The following AP5Z1 variants were observed in gnomAD, a reference collection of about 807,000 sequenced individuals.
AP5Z1 encodes AP-5 complex subunit zeta-1.
Under a neutral mutation model 83.0 loss-of-function variants are expected in AP5Z1, and 106 were observed. That is an observed-to-expected ratio of 1.28 (90% CI 1.09 to 1.50). AP5Z1 has a LOEUF of 1.50. Ranked by LOEUF, AP5Z1 falls within the 40% of genes most tolerant of loss-of-function variation. The pLI, the probability that AP5Z1 is intolerant of heterozygous loss-of-function variation, is 0.00. For missense variants in AP5Z1, 1,565 were observed against 1,094.2 expected (o/e 1.43, Z -6.07); for synonymous variants, 751 against 514.1 (o/e 1.46, Z -6.23).
At chr7:4,776,591 C>G (rs996212037) in intron 1 of AP5Z1, among the ~76,000 whole-genome samples, 1 of 149,822 alleles carries the variant, frequency 6.7e-6, no homozygotes, top group South Asian at 2.1e-4. Flanking sequence ...AAAAATTAGC[C>G]GGGCGTGGTG....
chr7:4,788,343 C>T (rs1192694489), intron 12 of AP5Z1, 49 bp downstream of exon 12: 2 of 1,518,020 alleles, frequency 1.3e-6, no homozygotes, highest in Admixed American at 4.3e-5. Context: ...GAGAGCCCGG[C>T]CACAGCCACT....
At chr7:4,776,477 G>C (rs1050029052) in intron 1 of AP5Z1, among the ~76,000 whole-genome samples, 5 of 151,718 alleles carry the variant, frequency 3.3e-5, no homozygotes, top group African/African-American at 1.2e-4. Flanking sequence ...ACCACTTTGG[G>C]AGGCCAAGGC....
rs1781813305 is a variant in AP5Z1 at position 4,792,443 on chromosome 7, G to A, written c.*1058G>A. On this transcript the variant is annotated 3_prime_UTR_variant, in exon 17 of 17. Transcript: ENST00000649063. ...ACCACAGGCTGAAGGCGACTGCAGG[G>A]TCCTGCCCCTTGCCCAGCCTCAGGA... 6.6e-6 allele frequency: 1 copy of A among 152,278 alleles called. No individual in the cohort carries two copies. Among genetic ancestry groups the A allele is most frequent in the African/African-American group, 2.4e-5 (1 of 41,400 alleles). 9.4% of individuals were successfully genotyped at this position (152,278 alleles called of 1,614,324 possible). A position where few individuals can be genotyped will look rare whatever the true frequency, so the allele number is the denominator to read the frequency against.
At chr7:4,779,671 G>T (rs753013252) in intron 1 of AP5Z1, among the ~76,000 whole-genome samples, 6 of 150,852 alleles carry the variant, frequency 4.0e-5, no homozygotes, top group Non-Finnish European at 5.9e-5. Flanking sequence ...ACGGAGTTTT[G>T]CTCTCGTTGC....
intron 5 of AP5Z1, 93 bp from the exon 6 acceptor site, chr7:4,784,110 C>T (rs1030440640): frequency 4.2e-6 from 6 of 1,420,378 alleles, no homozygotes; most frequent in Non-Finnish European, 5.6e-6. Flanking sequence ...GTTCAGGCAG[C>T]TTCTCCTCCA....
chr7:4,781,558 C>T lies in AP5Z1; in HGVS notation c.180-10C>T, dbSNP rs777053544. On this transcript the variant is annotated splice_polypyrimidine_tract_variant and intron_variant, in intron 2 of 16. Coordinates refer to ENST00000649063, the MANE Select transcript of AP5Z1 (RefSeq NM_014855.3). ...GTGTTACCGCCCACCACGGGCATCTCGCCTTCCAGGCTGGAGAAGACATGC... is the reference window on the plus strand; with the variant it reads ...GTGTTACCGCCCACCACGGGCATCTTGCCTTCCAGGCTGGAGAAGACATGC... 5.0e-6 allele frequency: 8 copies of T among 1,601,668 alleles called. No individual in the cohort carries two copies. The highest frequency in any genetic ancestry group is 1.7e-5 in the Admixed American group (1 of 59,780).
At chr7:4,790,978 C>T (rs934424896) in intron 16 of AP5Z1, 91 bp downstream of exon 16, 14 of 1,473,550 alleles carry the variant, frequency 9.5e-6, no homozygotes, top group Admixed American at 6.8e-5. Flanking sequence ...GTGAAATGGT[C>T]GCAGCAGCGC....
rs78461882 is a variant in AP5Z1, at chr7:4,785,559, G to A, written c.1007G>A (p.Cys336Tyr). ...GCCGTGCTGGTGCTGGACGTGCTGT[G>A]CCGGCAGGACCCGTCCTTCCTGTAC... The part of the protein sequence containing the change: ...VEAVLVLDVL[C>Y]RQDPSFLYRS... The change falls in exon 9 of 17, where the codon TGC becomes TAC. Residue 336 changes from cysteine (C) to tyrosine (Y), a missense_variant. Transcript: ENST00000649063. The A allele has an allele frequency of 1.2e-6, 2 of 1,611,492 alleles. No homozygotes were observed. The highest frequency in any genetic ancestry group is 1.3e-5 in the African/African-American group (1 of 75,040).
At chr7:4,786,560 G>T (rs79109928) in intron 10 of AP5Z1, 132 bp downstream of exon 10, 1 of 1,018,900 alleles carries the variant, frequency 9.8e-7, no homozygotes, top group South Asian at 1.6e-5. Flanking sequence ...CCTGGAATGC[G>T]GTGTGCAGGG....
Position 4,788,989 on chromosome 7 carries a change from C to G in AP5Z1, c.1707+38C>G, listed in dbSNP as rs1781654107. 2.6e-6 allele frequency: 4 copies of G among 1,566,652 alleles called. No homozygotes were observed. In the East Asian group the frequency reaches 9.2e-5, roughly 36 times the overall value. On this transcript the variant is annotated intron_variant, in intron 13 of 16. Transcript: ENST00000649063. ...CCTGGGGCCCCCCATTCCCACAGGC[C>G]TCACAACTGAGGGGCAGGCCAGAGC... is the stretch of plus-strand genomic sequence containing the variant.
intron 10 of AP5Z1, among the ~76,000 whole-genome samples, chr7:4,786,847 T>C (rs1361070544): frequency 1.3e-5 from 2 of 152,066 alleles, no homozygotes; most frequent in Non-Finnish European, 2.9e-5. Context: ...CTCAGCTCAC[T>C]GCAACCCCCG....
Position 4,784,205 on chromosome 7 carries a change from G to A in AP5Z1, c.624G>A (p.Pro208=), listed in dbSNP as rs772392202. ...GFFSTPRARQ[P]GPVTEVDGAV... is the part of the protein sequence containing the mutation. ...ACTCCTGCCTGTCCTTCCCACAGCC[G>A]GGCCCCGTCACCGAGGTGGACGGGG... is the stretch of plus-strand genomic sequence containing the variant. The change falls in exon 6 of 17, where the codon CCG becomes CCA. Residue 208 remains proline, a splice_region_variant and synonymous_variant. Coordinates refer to ENST00000649063, the MANE Select transcript of AP5Z1 (RefSeq NM_014855.3). 178 of 1,581,326 alleles carry A rather than the reference G, an allele frequency of 1.1e-4. No homozygotes were observed. Among genetic ancestry groups the A allele is most frequent in the Middle Eastern group, 1.7e-4 (1 of 6,050 alleles).
intron 3 of AP5Z1, among the ~76,000 whole-genome samples, chr7:4,782,331 A>G (rs1246458631): frequency 6.6e-6 from 1 of 152,102 alleles, no homozygotes; most frequent in Non-Finnish European, 1.5e-5. Context: ...TGCCAAGTCC[A>G]TGTCCTCCCT....
rs1463696898 is a variant in AP5Z1 at position 4,785,681 on chromosome 7, C to T, written c.1129C>T (p.His377Tyr). The T allele has an allele frequency of 2.0e-6, 3 of 1,530,514 alleles. No homozygotes were observed. Among genetic ancestry groups the T allele is most frequent in the Admixed American group, 1.9e-5 (1 of 52,578 alleles). 94.8% of individuals were successfully genotyped at this position (1,530,514 alleles called of 1,614,324 possible). A position where few individuals can be genotyped will look rare whatever the true frequency, so the allele number is the denominator to read the frequency against. ...LLPLAHFFLS[H>Y]GEAAAVDSEA... is the part of the protein sequence containing the mutation. Reference sequence around the variant, plus strand: ...GCCCCTCGCCCACTTCTTCCTGAGCCACGGTGAGCCCAGGGTGGGGTGGCG... The same window carrying T: ...GCCCCTCGCCCACTTCTTCCTGAGCTACGGTGAGCCCAGGGTGGGGTGGCG... The change falls in exon 9 of 17, where the codon CAC becomes TAC. Residue 377 changes from histidine (H) to tyrosine (Y), a missense_variant. Coordinates refer to ENST00000649063, the MANE Select transcript of AP5Z1 (RefSeq NM_014855.3).
At chr7:4,788,482 T>C in intron 12 of AP5Z1, 188 bp downstream of exon 12, 1 of 717,086 alleles carries the variant, frequency 1.4e-6, no homozygotes, top group Non-Finnish European at 2.1e-6. Context: ...GGGCGGGGCC[T>C]GGTCTCAGCT....
At position 4,792,146 on chromosome 7, in the gene AP5Z1, G is replaced by A. The variant is rs115198050; in HGVS notation, c.*761G>A. ...GCGAAGGGGAGGTGTCTGGGCGTGC[G>A]GCCCCAGCCCCGCCACCTTCCTGGG... On this transcript the variant is annotated 3_prime_UTR_variant, in exon 17 of 17. Transcript: ENST00000649063. 9,233 of 152,200 alleles carry A rather than the reference G, an allele frequency of 0.061. 585 individuals are homozygous for A. The highest frequency in any genetic ancestry group is 0.16 in the African/African-American group (6,551 of 41,474). The allele number at this position is 152,200 out of a possible 1,614,324, so 9.4% of individuals were successfully genotyped here. A position where few individuals can be genotyped will look rare whatever the true frequency, so the allele number is the denominator to read the frequency against.
At chr7:4,775,884 C>A in intron 1 of AP5Z1, 128 bp downstream of exon 1, 2 of 1,356,320 alleles carry the variant, frequency 1.5e-6, no homozygotes, top group Non-Finnish European at 2.0e-6. Flanking sequence ...GCCCTCGAGA[C>A]TTGGGGATCG....
At position 4,788,307 on chromosome 7, in the gene AP5Z1, A is replaced by C. The variant is rs1167678401; in HGVS notation, c.1595+13A>C. On this transcript the variant is annotated intron_variant, in intron 12 of 16. Transcript: ENST00000649063. ...GCGCCACTGAGAGGTACGGGGCCCT[A>C]GGGCCAGGGGGCCACCAGTGGCTCA... The C allele has an allele frequency of 6.4e-7, 1 of 1,573,262 alleles. No individual in the cohort carries two copies. Among genetic ancestry groups the C allele is most frequent in the South Asian group, 1.2e-5 (1 of 86,320 alleles).
intron 6 of AP5Z1, among the ~76,000 whole-genome samples, 172 bp downstream of exon 6, chr7:4,784,543 C>T (rs1781479558): frequency 6.6e-6 from 1 of 152,092 alleles, no homozygotes; most frequent in Non-Finnish European, 1.5e-5. Flanking sequence ...AGAGCACTCC[C>T]TGGCCAGCAT....
Sources: gnomAD v4.1 joint callset for allele counts (sites outside exome capture counted in the v4.1 genomes callset) on GRCh38, gnomAD v4.1.1 for gene constraint, MANE v1.5 for transcripts, NCBI Gene and HGNC (gene_info 2026-07-23, HGNC 2026-07-21) for gene names.